The following COL23A1 variants were observed in gnomAD, a reference collection of about 807,000 sequenced individuals.
COL23A1 encodes the protein collagen type XXIII alpha 1 chain, also known as collagen alpha-1(XXIII) chain.
In COL23A1, 97 loss-of-function variants were observed where a neutral mutation model predicts 99.3. The ratio of observed to expected loss-of-function variants is 0.98; its 90% CI spans 0.83 to 1.16. COL23A1 has a LOEUF of 1.16. Among genes scored for constraint, COL23A1 ranks in the 50% most tolerant of loss-of-function variants. The pLI is 0.00. For synonymous variants in COL23A1, 320 were observed against 308.2 expected (o/e 1.04, Z -0.40); for missense variants, 762 against 757.4 (o/e 1.01, Z -0.07).
At position 178,249,183 on chromosome 5, in the gene COL23A1, G is replaced by A. The variant is rs527845377; in HGVS notation, c.1083C>T (p.Asp361=). 3.7e-6 allele frequency: 6 copies of A among 1,614,242 alleles called. No individual in the cohort carries two copies. In the South Asian group the frequency reaches 4.4e-5, roughly 12 times the overall value. Residue 361 remains aspartate (D), a synonymous_variant, in exon 19 of 29, where the codon GAC becomes GAT. Transcript: ENST00000390654. ...GTCCTGCTGGCCCAGGCTCTCCTGGGTCTCCTTTCTGTCCTTTGGGGCCCT... is the reference window on the plus strand; with the variant it reads ...GTCCTGCTGGCCCAGGCTCTCCTGGATCTCCTTTCTGTCCTTTGGGGCCCT... ...GEKGPKGQKG[D]PGEPGPAGLK... is the part of the protein sequence containing the mutation.
chr5:178,529,824 G>A (rs1760541351), intron 2 of COL23A1, among the ~76,000 whole-genome samples: 1 of 152,124 alleles, frequency 6.6e-6, no homozygotes, highest in South Asian at 2.1e-4. Context: ...ACACAAGAAA[G>A]GGCCAGTAGA....
At chr5:178,354,521 A>G (rs751332543) in intron 2 of COL23A1, among the ~76,000 whole-genome samples, 2 of 151,998 alleles carry the variant, frequency 1.3e-5, no homozygotes, top group Non-Finnish European at 2.9e-5. Context: ...GGTGGTTTTA[A>G]TGGTTTAACA....
chr5:178,333,539 T>A (rs1760155117), intron 2 of COL23A1, among the ~76,000 whole-genome samples: 1 of 152,170 alleles, frequency 6.6e-6, no homozygotes, highest in Admixed American at 6.5e-5. Context: ...AACATGCCTG[T>A]GCGGCCTGGT....
chr5:178,261,133 C>A (rs1483339214), intron 11 of COL23A1, among the ~76,000 whole-genome samples: 1 of 152,102 alleles, frequency 6.6e-6, no homozygotes, highest in African/African-American at 2.4e-5. Context: ...TCTATTTGGG[C>A]CAGGTACAGT....
chr5:178,250,091 C>T lies in COL23A1; in HGVS notation c.1029G>A (p.Leu343=), dbSNP rs768018734. Residue 343 remains leucine, a synonymous_variant, in exon 18 of 29, where the codon TTG becomes TTA. Coordinates refer to ENST00000390654, the MANE Select transcript of COL23A1 (RefSeq NM_173465.4). ...GIPGAKGELG[L]PGAPGIDGEK... ...CTCCATCGATTCCTGGGGCACCGGG[C>T]AATCCAAGCTCGCCCTGGAAGGGAA... 1 of 1,614,168 alleles carries T rather than the reference C, an allele frequency of 6.2e-7. No individual in the cohort carries two copies. Among genetic ancestry groups the T allele is most frequent in the Non-Finnish European group, 8.5e-7 (1 of 1,180,004 alleles).
At chr5:178,456,784 G>C (rs1428354630) in intron 2 of COL23A1, among the ~76,000 whole-genome samples, 1 of 152,150 alleles carries the variant, frequency 6.6e-6, no homozygotes, top group Non-Finnish European at 1.5e-5. Flanking sequence ...GACAAAGTGA[G>C]AAAAATTTTT....
At chr5:178,466,983 G>A (rs577344563) in intron 2 of COL23A1, among the ~76,000 whole-genome samples, 3 of 152,364 alleles carry the variant, frequency 2.0e-5, no homozygotes, top group Admixed American at 6.5e-5. Flanking sequence ...AATAGTCCCT[G>A]TGTTGTTGAT....
chr5:178,448,928 T>C (rs1767326561), intron 2 of COL23A1, among the ~76,000 whole-genome samples: 1 of 151,476 alleles, frequency 6.6e-6, no homozygotes, highest in Non-Finnish European at 1.5e-5. Context: ...TTTTTTTAAA[T>C]AAACCATGCT....
At chr5:178,470,858 G>A (rs1351502546) in intron 2 of COL23A1, among the ~76,000 whole-genome samples, 1 of 152,244 alleles carries the variant, frequency 6.6e-6, no homozygotes, top group Non-Finnish European at 1.5e-5. Context: ...CGCTGGAGAA[G>A]CCTGTGTGAA....
At chr5:178,466,649 G>A (rs1013535909) in intron 2 of COL23A1, among the ~76,000 whole-genome samples, 1 of 152,240 alleles carries the variant, frequency 6.6e-6, no homozygotes, top group Non-Finnish European at 1.5e-5. Flanking sequence ...TGCTGCGGGG[G>A]ATGGCCCTGC....
intron 2 of COL23A1, among the ~76,000 whole-genome samples, chr5:178,511,473 A>G (rs1759202402): frequency 6.6e-6 from 1 of 152,268 alleles, no homozygotes; most frequent in Non-Finnish European, 1.5e-5. Flanking sequence ...AAGACTCTGC[A>G]GAATGCAATG....
chr5:178,358,407 GTGTATGTGTA>G (rs1425965825), intron 2 of COL23A1, among the ~76,000 whole-genome samples: 1 of 124,964 alleles, frequency 8.0e-6, no homozygotes, highest in African/African-American at 2.7e-5. Context: ...ATGTGTATGT[GTGTATGTGTA>G]TGTGTGTGTA....
intron 5 of COL23A1, among the ~76,000 whole-genome samples, chr5:178,286,027 C>T (rs1757132050): frequency 2.0e-5 from 3 of 152,212 alleles, no homozygotes; most frequent in Non-Finnish European, 4.4e-5. Flanking sequence ...GCTGGTCTTG[C>T]TCCTGGTGCT....
Position 178,247,758 on chromosome 5 carries a change from A to G in COL23A1, c.1269+17T>C. On this transcript the variant is annotated intron_variant, in intron 21 of 28. Transcript: ENST00000390654. ...TTCCTGGCTGCTTCAAACCAAACCAAAGCAAACCGTCCTTACCATCGGGCC... is the reference window on the plus strand; with the variant it reads ...TTCCTGGCTGCTTCAAACCAAACCAGAGCAAACCGTCCTTACCATCGGGCC... 1 of 1,612,602 alleles carries G rather than the reference A, an allele frequency of 6.2e-7. No individual in the cohort carries two copies. Among genetic ancestry groups the G allele is most frequent in the Non-Finnish European group, 8.5e-7 (1 of 1,178,782 alleles).
chr5:178,385,254 C>T (rs185579698), intron 2 of COL23A1, among the ~76,000 whole-genome samples: 33 of 152,252 alleles, frequency 2.2e-4, no homozygotes, highest in African/African-American at 7.9e-4. Context: ...GGGTGGGTTG[C>T]GGGGACCCCT....
intron 2 of COL23A1, chr5:178,378,200 A>G (rs1224592494): frequency 6.6e-6 from 1 of 152,232 alleles, no homozygotes; most frequent in Admixed American, 6.5e-5. Context: ...AGCCTGGACA[A>G]CATAGTGAGA....
intron 2 of COL23A1, among the ~76,000 whole-genome samples, chr5:178,513,313 TG>T: frequency 6.6e-6 from 1 of 152,278 alleles, no homozygotes; most frequent in South Asian, 2.1e-4. Flanking sequence ...CTACGAGGTG[TG>T]TACGTTTAGG....
intron 2 of COL23A1, among the ~76,000 whole-genome samples, chr5:178,536,373 AC>A (rs1346369637): frequency 6.6e-6 from 1 of 152,198 alleles, no homozygotes; most frequent in Non-Finnish European, 1.5e-5. Flanking sequence ...CGACCACATC[AC>A]CGGGAAACTC....
chr5:178,389,986 G>A (rs1763880235), intron 2 of COL23A1, among the ~76,000 whole-genome samples: 1 of 152,210 alleles, frequency 6.6e-6, no homozygotes, highest in South Asian at 2.1e-4. Context: ...GCAGGAGCTA[G>A]CAGCGGGGTG....
Sources: allele counts gnomAD v4.1 joint callset (sites outside exome capture counted in the v4.1 genomes callset), GRCh38; gene constraint gnomAD v4.1.1; transcripts MANE v1.5; gene names NCBI Gene and HGNC (gene_info 2026-07-23, HGNC 2026-07-21).